SEMA6D: variants seen among roughly 807,000 people sequenced by gnomAD.
SEMA6D encodes the protein semaphorin 6D.
SEMA6D carries 35 observed loss-of-function variants against 106.6 expected under a neutral mutation model. The observed-to-expected ratio is 0.33, with a 90% CI of 0.25 to 0.44. SEMA6D has a LOEUF of 0.44. Ranked by LOEUF, SEMA6D falls within the 20% of genes least tolerant of loss-of-function variation. SEMA6D has a pLI of 1.00. For synonymous variants in SEMA6D, 499 were observed against 487.7 expected (o/e 1.02, Z -0.31); for missense variants, 1,185 against 1,345.9 (o/e 0.88, Z 1.87).
intron 3 of SEMA6D, among the ~76,000 whole-genome samples, chr15:47,506,074 T>A (rs1379559069): frequency 1.3e-5 from 2 of 151,878 alleles, no homozygotes; most frequent in East Asian, 1.9e-4. Context: ...TAAAGGGGAG[T>A]GGGAGAGCAT....
At chr15:47,431,061 C>G (rs2140541594) in intron 2 of SEMA6D, among the ~76,000 whole-genome samples, 2 of 152,208 alleles carry the variant, frequency 1.3e-5, no homozygotes, top group South Asian at 4.1e-4. Context: ...CTTGTTGATT[C>G]AAATAAGATT....
chr15:47,325,266 C>T (rs1345484538), intron 1 of SEMA6D, among the ~76,000 whole-genome samples: 4 of 152,022 alleles, frequency 2.6e-5, no homozygotes, highest in Non-Finnish European at 4.4e-5. Flanking sequence ...CTCCACCTCC[C>T]GGGTTCAAGT....
intron 3 of SEMA6D, among the ~76,000 whole-genome samples, chr15:47,477,660 TG>T (rs1390680510): frequency 2.0e-5 from 3 of 152,142 alleles, no homozygotes; most frequent in African/African-American, 7.2e-5. Context: ...TTTGATTTTT[TG>T]CCAATTTTTT....
chr15:47,239,380 C>T (rs2032762025), intron 1 of SEMA6D, among the ~76,000 whole-genome samples: 1 of 152,128 alleles, frequency 6.6e-6, no homozygotes. Flanking sequence ...AAATGTAATG[C>T]ACTTGAATAA....
intron 1 of SEMA6D, among the ~76,000 whole-genome samples, chr15:47,295,861 T>C (rs993770973): frequency 2.6e-5 from 4 of 152,168 alleles, no homozygotes; most frequent in African/African-American, 9.6e-5. Flanking sequence ...TTCTTAGCCT[T>C]TCAAACTCAC....
chr15:47,277,601 TTA>T (rs1191520138), intron 1 of SEMA6D, among the ~76,000 whole-genome samples: 772 of 4,966 alleles, frequency 0.16, 17 homozygotes, highest in Middle Eastern at 0.5. Flanking sequence ...ATTATTATTA[TTA>T]TTATTATTAT....
At chr15:47,314,731 T>C (rs2036583773) in intron 1 of SEMA6D, among the ~76,000 whole-genome samples, 1 of 151,910 alleles carries the variant, frequency 6.6e-6, no homozygotes, top group African/African-American at 2.4e-5. Flanking sequence ...ACATGGACTT[T>C]CATAGAGCAG....
At chr15:47,323,370 A>G (rs1294015679) in intron 1 of SEMA6D, among the ~76,000 whole-genome samples, 2 of 152,166 alleles carry the variant, frequency 1.3e-5, no homozygotes, top group Non-Finnish European at 2.9e-5. Flanking sequence ...GTAGAATTTT[A>G]TTAAGTGACA....
At chr15:47,685,433 G>A (rs1015229235) in intron 4 of SEMA6D, among the ~76,000 whole-genome samples, 1 of 152,158 alleles carries the variant, frequency 6.6e-6, no homozygotes, top group Admixed American at 6.5e-5. Flanking sequence ...AGAGTTGATG[G>A]CCTGGTCTGC....
intron 3 of SEMA6D, among the ~76,000 whole-genome samples, chr15:47,503,468 A>T (rs1404250673): frequency 6.6e-6 from 1 of 152,196 alleles, no homozygotes; most frequent in Non-Finnish European, 1.5e-5. Context: ...CAGCTAGATG[A>T]CTATGGGCTG....
chr15:47,645,526 C>G (rs2077566121), intron 4 of SEMA6D, among the ~76,000 whole-genome samples: 1 of 151,698 alleles, frequency 6.6e-6, no homozygotes, highest in African/African-American at 2.4e-5. Flanking sequence ...TCTTCTTCTT[C>G]TTCTCACTTA....
intron 4 of SEMA6D, among the ~76,000 whole-genome samples, chr15:47,675,447 A>G (rs2078224697): frequency 6.6e-6 from 1 of 152,202 alleles, no homozygotes; most frequent in African/African-American, 2.4e-5. Context: ...TGAGGGGCAC[A>G]GCAGGAAAGT....
chr15:47,762,980 C>G (rs1474630036), intron 8 of SEMA6D, 36 bp from the exon 9 acceptor site: 27 of 1,517,706 alleles, frequency 1.8e-5, no homozygotes, highest in Non-Finnish European at 2.2e-5. Flanking sequence ...TTGAATTATC[C>G]TTTAGGAACC....
intron 1 of SEMA6D, among the ~76,000 whole-genome samples, chr15:47,313,495 T>C (rs971304991): frequency 6.6e-6 from 1 of 152,256 alleles, no homozygotes; most frequent in Non-Finnish European, 1.5e-5. Flanking sequence ...GGATATACTA[T>C]AGTTTATGTA....
At chr15:47,365,890 G>GGAGAGAGA (rs201368884) in intron 1 of SEMA6D, among the ~76,000 whole-genome samples, 208 of 119,798 alleles carry the variant, frequency 1.7e-3, no homozygotes, top group African/African-American at 5.2e-3. Flanking sequence ...GAGAGAGAGA[G>GGAGAGAGA]GAGAGAGAGA....
At chr15:47,506,485 C>T (rs954842841) in intron 3 of SEMA6D, among the ~76,000 whole-genome samples, 2 of 151,914 alleles carry the variant, frequency 1.3e-5, no homozygotes, top group Non-Finnish European at 2.9e-5. Context: ...GGAATCAAGT[C>T]GTCATTTCAG....
intron 2 of SEMA6D, among the ~76,000 whole-genome samples, chr15:47,464,640 A>G (rs929566636): frequency 5.3e-5 from 8 of 152,154 alleles, no homozygotes; most frequent in African/African-American, 1.9e-4. Context: ...GATTTAGTCA[A>G]GCCCTCAAGG....
At chr15:47,620,693 A>AATATAT (rs72092074) in intron 4 of SEMA6D, among the ~76,000 whole-genome samples, 17 of 132,944 alleles carry the variant, frequency 1.3e-4, no homozygotes, top group African/African-American at 3.3e-4. Context: ...TTGCCTTTAA[A>AATATAT]ATATATATAT....
At chr15:47,367,684 G>GCA (rs1357898015) in intron 1 of SEMA6D, among the ~76,000 whole-genome samples, 6 of 42,180 alleles carry the variant, frequency 1.4e-4, no homozygotes, top group Non-Finnish European at 2.6e-4. Flanking sequence ...TCACACGCGC[G>GCA]CGCGCGCGCA....
Sources: allele counts gnomAD v4.1 joint callset (sites outside exome capture counted in the v4.1 genomes callset), GRCh38; gene constraint gnomAD v4.1.1; transcripts MANE v1.5; gene names NCBI Gene and HGNC (gene_info 2026-07-23, HGNC 2026-07-21).